The following IL1RAPL1 variants were observed in gnomAD, a reference collection of about 807,000 sequenced individuals.
The protein encoded by IL1RAPL1 is interleukin-1 receptor accessory protein-like 1.
Under a neutral mutation model 48.4 loss-of-function variants are expected in IL1RAPL1, and 3 were observed. The observed-to-expected ratio is 0.06, with a 90% CI of 0.03 to 0.16. The LOEUF is 0.16. Ranked by LOEUF, IL1RAPL1 falls within the 10% of genes least tolerant of loss-of-function variation. IL1RAPL1 has a pLI of 1.00. For synonymous variants in IL1RAPL1, 185 were observed against 187.7 expected (o/e 0.99, Z 0.12); for missense variants, 349 against 530.6 (o/e 0.66, Z 3.36).
intron 2 of IL1RAPL1, among the ~76,000 whole-genome samples, chrX:29,195,032 G>C (rs1930417406): frequency 9.0e-6 from 1 of 111,545 alleles, no homozygotes; most frequent in Non-Finnish European, 1.9e-5. Flanking sequence ...CTGGTCCTCT[G>C]ACTCCAAGTC....
chrX:29,358,081 T>C (rs1323381619), intron 3 of IL1RAPL1, among the ~76,000 whole-genome samples: 10 of 111,312 alleles, frequency 9.0e-5, no homozygotes, highest in Non-Finnish European at 1.9e-4. Context: ...AGGGTGACTT[T>C]TCTGGGTTTT....
intron 1 of IL1RAPL1, among the ~76,000 whole-genome samples, chrX:28,767,604 CACAA>C (rs1936255014): frequency 9.0e-6 from 1 of 110,610 alleles, no homozygotes; most frequent in Non-Finnish European, 1.9e-5. Flanking sequence ...CATATACACA[CACAA>C]ACATACACAC....
intron 2 of IL1RAPL1, among the ~76,000 whole-genome samples, chrX:29,232,193 A>G (rs983777165): frequency 8.9e-6 from 1 of 112,073 alleles, no homozygotes; most frequent in Non-Finnish European, 1.9e-5. Context: ...TTTTAAAAAA[A>G]TAATTTCTTA....
At chrX:29,935,402 A>G (rs1291779265) in intron 8 of IL1RAPL1, among the ~76,000 whole-genome samples, 1 of 111,257 alleles carries the variant, frequency 9.0e-6, no homozygotes, top group African/African-American at 3.3e-5. Flanking sequence ...CGTTCATTTC[A>G]TATTTACCGG....
chrX:29,005,651 T>C (rs1659466700), intron 2 of IL1RAPL1, among the ~76,000 whole-genome samples: 1 of 111,684 alleles, frequency 9.0e-6, no homozygotes, highest in African/African-American at 3.3e-5. Flanking sequence ...CCATTATGGT[T>C]TGTCTGTGTT....
intron 1 of IL1RAPL1, among the ~76,000 whole-genome samples, chrX:28,595,792 G>A (rs1933947263): frequency 8.9e-6 from 1 of 111,980 alleles, no homozygotes; most frequent in Non-Finnish European, 1.9e-5. Flanking sequence ...GTAGCTCTCA[G>A]TGTTTGGTTT....
intron 2 of IL1RAPL1, among the ~76,000 whole-genome samples, chrX:28,915,103 G>C (rs1431531523): frequency 9.0e-6 from 1 of 111,432 alleles, no homozygotes; most frequent in East Asian, 2.8e-4. Context: ...TTCTCATAAG[G>C]AGCATGCAGC....
intron 5 of IL1RAPL1, among the ~76,000 whole-genome samples, chrX:29,401,555 G>T (rs1280896186): frequency 9.1e-6 from 1 of 110,474 alleles, no homozygotes; most frequent in Non-Finnish European, 1.9e-5. Context: ...TGAATGATAA[G>T]GAATCACTGT....
chrX:29,671,631 A>T (rs1302571902), intron 6 of IL1RAPL1, among the ~76,000 whole-genome samples: 2 of 111,981 alleles, frequency 1.8e-5, no homozygotes, highest in African/African-American at 6.5e-5. Flanking sequence ...CAGTTCTGGA[A>T]GTCAATCTGG....
At chrX:29,249,771 A>G (rs887308018) in intron 2 of IL1RAPL1, among the ~76,000 whole-genome samples, 2 of 111,715 alleles carry the variant, frequency 1.8e-5, no homozygotes, top group Non-Finnish European at 3.8e-5. Context: ...TGAATATGAG[A>G]GAACATTTTA....
At chrX:29,810,411 G>A (rs1035856657) in intron 6 of IL1RAPL1, among the ~76,000 whole-genome samples, 7 of 110,356 alleles carry the variant, frequency 6.3e-5, no homozygotes, top group African/African-American at 2.0e-4. Flanking sequence ...GGCTGGTCTC[G>A]AACTCCTGAC....
intron 5 of IL1RAPL1, among the ~76,000 whole-genome samples, chrX:29,492,136 A>C (rs1366265218): frequency 8.9e-6 from 1 of 112,157 alleles, no homozygotes; most frequent in East Asian, 2.8e-4. Context: ...ATTAAATAAA[A>C]CTATCACCTA....
rs190098027 is a variant in IL1RAPL1 at position 28,729,523 on chromosome X, A to G, written c.-24-59797A>G. On this transcript the variant is annotated intron_variant, in intron 1 of 10. Transcript: ENST00000378993. The stretch of plus-strand genomic sequence containing the variant: ...AGTAAATGCTCTATAAACAGAGTAT[A>G]TGTCTAATGCCAAGATGCTAAGTTC... 1.0e-3 allele frequency among the ~76,000 whole-genome samples: 116 copies of G among 111,489 alleles called. 1 individual carries two copies. The highest frequency in any genetic ancestry group is 3.5e-3 in the African/African-American group (107 of 30,774).
At chrX:29,409,518 A>T (rs1367913152) in intron 5 of IL1RAPL1, among the ~76,000 whole-genome samples, 1 of 111,724 alleles carries the variant, frequency 9.0e-6, no homozygotes, top group Non-Finnish European at 1.9e-5. Flanking sequence ...CATTACCTTT[A>T]TTTATTATTT....
chrX:28,692,498 G>A (rs1004445754), intron 1 of IL1RAPL1, among the ~76,000 whole-genome samples: 4 of 111,509 alleles, frequency 3.6e-5, no homozygotes, highest in African/African-American at 1.3e-4. Flanking sequence ...GATAATCAGT[G>A]CCAGCTTGTG....
At chrX:29,708,377 T>G (rs373208164) in intron 6 of IL1RAPL1, among the ~76,000 whole-genome samples, 3 of 111,767 alleles carry the variant, frequency 2.7e-5, no homozygotes, top group Non-Finnish European at 3.8e-5. Context: ...AACAGAAATT[T>G]TATTACCTCC....
chrX:29,935,343 G>C lies in IL1RAPL1; in HGVS notation c.1058-6308G>C, dbSNP rs770732969. Among the ~76,000 whole-genome samples, 3 of 111,240 alleles carry C rather than the reference G, an allele frequency of 2.7e-5. No individual in the cohort carries two copies. In the South Asian group the frequency reaches 1.1e-3, roughly 42 times the overall value. ...TAACGTCTATTGATAATTTTTGCCT[G>C]AATCAATTATTATTATGATGGCTGA... On this transcript the variant is annotated intron_variant, in intron 8 of 10. Transcript: ENST00000378993.
chrX:29,443,272 G>A (rs921173468), intron 5 of IL1RAPL1, among the ~76,000 whole-genome samples: 2 of 90,828 alleles, frequency 2.2e-5, no homozygotes, highest in Admixed American at 2.4e-4. Flanking sequence ...CTCAATCTTA[G>A]TGCTCACAAA....
intron 2 of IL1RAPL1, among the ~76,000 whole-genome samples, chrX:29,218,197 A>G (rs1443750446): frequency 1.8e-5 from 2 of 111,991 alleles, no homozygotes; most frequent in Non-Finnish European, 3.8e-5. Context: ...CTGCTTTGGT[A>G]TGATAAGTTT....
Sources: gnomAD v4.1 joint callset for allele counts (sites outside exome capture counted in the v4.1 genomes callset) on GRCh38, gnomAD v4.1.1 for gene constraint, MANE v1.5 for transcripts, NCBI Gene and HGNC (gene_info 2026-07-23, HGNC 2026-07-21) for gene names.